Variants in ATXN7L1 observed in about 807,000 individuals in gnomAD.
The protein encoded by ATXN7L1 is ataxin-7-like protein 1.
Under a neutral mutation model 70.8 loss-of-function variants are expected in ATXN7L1, and 15 were observed. That is an observed-to-expected ratio of 0.21 (90% CI 0.14 to 0.33). ATXN7L1 has a LOEUF of 0.33. ATXN7L1 is among the 10% of genes least tolerant of loss of function. ATXN7L1 has a pLI of 1.00. For synonymous variants in ATXN7L1, 440 were observed against 445.1 expected (o/e 0.99, Z 0.14); for missense variants, 975 against 1,097.1 (o/e 0.89, Z 1.57).
chr7:105,788,885 A>C (rs1040321278), intron 2 of ATXN7L1, among the ~76,000 whole-genome samples, 177 bp from the exon 3 acceptor site: 5 of 152,220 alleles, frequency 3.3e-5, no homozygotes, highest in African/African-American at 9.6e-5. Context: ...CTCTTAGAGA[A>C]GCAAGTGCTT....
intron 3 of ATXN7L1, among the ~76,000 whole-genome samples, chr7:105,745,053 C>T (rs1798428276): frequency 6.6e-6 from 1 of 151,944 alleles, no homozygotes; most frequent in African/African-American, 2.4e-5. Context: ...CTATTTTTTG[C>T]TCTAAGGGAT....
chr7:105,701,343 C>T (rs1792429163), intron 3 of ATXN7L1, among the ~76,000 whole-genome samples: 1 of 152,066 alleles, frequency 6.6e-6, no homozygotes, highest in African/African-American at 2.4e-5. Flanking sequence ...TAATAAGATT[C>T]TACTTTTATT....
At chr7:105,710,814 A>G (rs1369758113) in intron 3 of ATXN7L1, among the ~76,000 whole-genome samples, 2 of 152,188 alleles carry the variant, frequency 1.3e-5, no homozygotes, top group Non-Finnish European at 2.9e-5. Flanking sequence ...AGAACAGTGT[A>G]TTAGTCCATT....
At chr7:105,663,952 T>G (rs1432091804) in intron 4 of ATXN7L1, among the ~76,000 whole-genome samples, 1 of 152,042 alleles carries the variant, frequency 6.6e-6, no homozygotes, top group Non-Finnish European at 1.5e-5. Flanking sequence ...ATATTTTTAG[T>G]AGAGATGGGG....
intron 3 of ATXN7L1, among the ~76,000 whole-genome samples, chr7:105,691,991 CT>C (rs1232875121): frequency 6.6e-6 from 1 of 152,190 alleles, no homozygotes; most frequent in African/African-American, 2.4e-5. Context: ...TTTTTGTTAA[CT>C]GTTTATGCAA....
chr7:105,791,302 C>T (rs1430178677), intron 2 of ATXN7L1, among the ~76,000 whole-genome samples: 2 of 152,232 alleles, frequency 1.3e-5, no homozygotes, highest in Admixed American at 1.3e-4. Flanking sequence ...CCCCTCATCT[C>T]TCCCTACTGC....
At chr7:105,807,488 G>A (rs1363844290) in intron 2 of ATXN7L1, among the ~76,000 whole-genome samples, 2 of 152,228 alleles carry the variant, frequency 1.3e-5, no homozygotes, top group African/African-American at 4.8e-5. Flanking sequence ...GTAGGCTGTT[G>A]CAGGAATGGC....
intron 2 of ATXN7L1, among the ~76,000 whole-genome samples, chr7:105,839,624 G>A (rs961757626): frequency 7.9e-5 from 12 of 152,210 alleles, no homozygotes; most frequent in African/African-American, 2.9e-4. Context: ...CCAGAGGAGA[G>A]GAAGAACTTA....
rs150328731 is a variant in ATXN7L1, at chr7:105,835,639, C to A, written c.250+40173G>T. 7.8e-3 allele frequency among the ~76,000 whole-genome samples: 1,183 copies of A among 152,170 alleles called. 3 individuals are homozygous for A. Among genetic ancestry groups the A allele is most frequent in the Non-Finnish European group, 0.012 (805 of 67,992 alleles). ...CTCACTTCACACACTGGTCTTAGTC[C>A]AAAAGTTCATTTGTAAGTTGTGGTT... On this transcript the variant is annotated intron_variant, in intron 2 of 11. Coordinates refer to ENST00000419735, the MANE Select transcript of ATXN7L1 (RefSeq NM_020725.2).
intron 2 of ATXN7L1, chr7:105,875,026 A>T (rs1221269404): frequency 6.6e-6 from 1 of 152,510 alleles, no homozygotes; most frequent in African/African-American, 2.4e-5. Flanking sequence ...TTTGCTTAGC[A>T]GCAAGTGGCC....
At chr7:105,784,679 C>G (rs1206158327) in intron 3 of ATXN7L1, among the ~76,000 whole-genome samples, 7 of 152,100 alleles carry the variant, frequency 4.6e-5, no homozygotes, top group Non-Finnish European at 1.0e-4. Context: ...AACCTTAAGC[C>G]TCACATCAGT....
At chr7:105,679,867 CCACTGAATTGTA>C (rs900334738) in intron 3 of ATXN7L1, among the ~76,000 whole-genome samples, 2 of 151,836 alleles carry the variant, frequency 1.3e-5, no homozygotes, top group African/African-American at 2.4e-5. Flanking sequence ...GTACTCAATA[CCACTGAATTGTA>C]CATTTTAAAA....
intron 2 of ATXN7L1, among the ~76,000 whole-genome samples, chr7:105,806,339 C>A (rs774665388): frequency 6.6e-6 from 1 of 152,094 alleles, no homozygotes; most frequent in Non-Finnish European, 1.5e-5. Flanking sequence ...CCTCTCTGCC[C>A]AGTGAGCACC....
chr7:105,710,656 C>A (rs1331463278), intron 3 of ATXN7L1, among the ~76,000 whole-genome samples: 1 of 151,140 alleles, frequency 6.6e-6, no homozygotes, highest in African/African-American at 2.4e-5. Flanking sequence ...CGTGATCCAC[C>A]CACCTCGGCC....
intron 8 of ATXN7L1, among the ~76,000 whole-genome samples, chr7:105,621,809 A>C (rs1193515353): frequency 2.6e-5 from 4 of 152,202 alleles, no homozygotes; most frequent in Non-Finnish European, 5.9e-5. Context: ...TCATTCCACA[A>C]ACCCGTCCTG....
At chr7:105,691,243 C>G (rs935318080) in intron 3 of ATXN7L1, among the ~76,000 whole-genome samples, 1 of 152,142 alleles carries the variant, frequency 6.6e-6, no homozygotes, top group Non-Finnish European at 1.5e-5. Context: ...CCTCGAGGAG[C>G]GCCCCAGAGG....
chr7:105,722,619 C>A (rs1351393314), intron 3 of ATXN7L1, among the ~76,000 whole-genome samples: 1 of 129,292 alleles, frequency 7.7e-6, no homozygotes, highest in African/African-American at 3.0e-5. Context: ...TGGCTTACGC[C>A]TGTAATCCCA....
intron 11 of ATXN7L1, among the ~76,000 whole-genome samples, chr7:105,610,035 TG>T (rs1793012998): frequency 6.6e-6 from 1 of 152,094 alleles, no homozygotes. Context: ...CCTCCCAAAG[TG>T]TTGGGACTAC....
At chr7:105,793,114 G>A (rs939702315) in intron 2 of ATXN7L1, among the ~76,000 whole-genome samples, 5 of 152,204 alleles carry the variant, frequency 3.3e-5, no homozygotes, top group Admixed American at 2.6e-4. Context: ...TGCTTCTTAC[G>A]TAGAACAACA....
Sources: gnomAD v4.1 joint callset for allele counts (sites outside exome capture counted in the v4.1 genomes callset) on GRCh38, gnomAD v4.1.1 for gene constraint, MANE v1.5 for transcripts, NCBI Gene and HGNC (gene_info 2026-07-23, HGNC 2026-07-21) for gene names.